ZDHHC12: variants seen among roughly 807,000 people sequenced by gnomAD.
The protein encoded by ZDHHC12 is palmitoyltransferase ZDHHC12.
In ZDHHC12, 26 loss-of-function variants were observed where a neutral mutation model predicts 33.2. The ratio of observed to expected loss-of-function variants is 0.78; its 90% CI spans 0.57 to 1.09. The LOEUF (loss-of-function observed/expected upper bound fraction) is 1.09. Among genes scored for constraint, ZDHHC12 ranks in the 50% least tolerant of loss-of-function variants. ZDHHC12 has a pLI of 0.00. For missense variants in ZDHHC12, 350 were observed against 353.0 expected (o/e 0.99, Z 0.07); for synonymous variants, 154 against 152.1 (o/e 1.01, Z -0.09).
rs759415804 is a variant in ZDHHC12, at chr9:128,721,630, CA to C, written c.482+20del. ...GAGCATTCATCCCACCCTCCCTCTA[CA>C]CCCGGGCAGCAGCACCCACCATGCC... On this transcript the variant is annotated intron_variant, in intron 4 of 4. Transcript: ENST00000372663. The surrounding 1 kb of genome is among the most constrained non-coding windows in gnomAD (Gnocchi z 6.9). 3.7e-6 allele frequency: 6 copies of C among 1,610,748 alleles called. No homozygotes were observed. The African/African-American group carries it at 8.0e-5, about 22-fold the overall frequency.
In ZDHHC12 at chr9:128,722,567, C is replaced by T; in HGVS notation, c.108G>A (p.Arg36=). The change falls in exon 2 of 5, where the codon CGG becomes CGA. Residue 36 remains arginine, a synonymous_variant. Coordinates refer to ENST00000372663, the MANE Select transcript of ZDHHC12 (RefSeq NM_032799.5). This position sits in a 1 kb window ranked among gnomAD's most constrained non-coding sequence, Gnocchi z 4.2. Reference sequence around the variant, plus strand: ...GCAGCTCCCCCTGCTCCTCCCATTGCCGCAGCTCTGGAGAGGCCGGAGAGC... The same window carrying T: ...GCAGCTCCCCCTGCTCCTCCCATTGTCGCAGCTCTGGAGAGGCCGGAGAGC... ...LVLFLHDTEL[R]QWEEQGELLL... 2 of 1,593,322 alleles carry T rather than the reference C, an allele frequency of 1.3e-6. No individual in the cohort carries two copies. The highest frequency in any genetic ancestry group is 1.7e-6 in the Non-Finnish European group (2 of 1,169,868).
chr9:128,721,892 C>A lies in ZDHHC12; in HGVS notation c.316-75G>T, dbSNP rs907276468. 1.2e-6 allele frequency: 2 copies of A among 1,600,938 alleles called. No individual in the cohort carries two copies. The highest frequency in any genetic ancestry group is 1.1e-5 in the South Asian group (1 of 89,556). The stretch of plus-strand genomic sequence containing the variant: ...CCACCACTGAGGGAAGGAATCAGGG[C>A]CTGATTCTGGAAGGCCTTCTTGGAG... On this transcript the variant is annotated intron_variant, in intron 3 of 4. Transcript: ENST00000372663. The surrounding 1 kb of genome is among the most constrained non-coding windows in gnomAD (Gnocchi z 6.9).
chr9:128,722,238 G>T lies in ZDHHC12; in HGVS notation c.238-152C>A. 2 of 1,121,124 alleles carry T rather than the reference G, an allele frequency of 1.8e-6. No homozygotes were observed. The highest frequency in any genetic ancestry group is 2.6e-6 in the Non-Finnish European group (2 of 782,280). 69.4% of individuals were successfully genotyped at this position (1,121,124 alleles called of 1,614,324 possible). A position where few individuals can be genotyped will look rare whatever the true frequency, so the allele number is the denominator to read the frequency against. On this transcript the variant is annotated intron_variant, in intron 2 of 4. Transcript: ENST00000372663. The surrounding 1 kb of genome is among the most constrained non-coding windows in gnomAD (Gnocchi z 4.2). The stretch of plus-strand genomic sequence containing the variant: ...GTGTGGGGTATGGCGGAGCACCCTG[G>T]ACTGAGGGCGGCTGTGTATGTTTGC...
Position 128,721,756 on chromosome 9 carries a change from T to C in ZDHHC12, c.377A>G (p.His126Arg), listed in dbSNP as rs1157849574. ...CACACAGTTCTCCATCCAGGGGCAG[T>C]GGTGGTCGTAGCGGCGGACGCAACG... ...CRRCVRRYDHHCPWMENCVGE... is the reference protein window; with the variant it reads ...CRRCVRRYDHRCPWMENCVGE... The change falls in exon 4 of 5, where the codon CAC (histidine) becomes CGC (arginine). Residue 126 changes from histidine to arginine, a missense_variant. Physicochemically the swap from His to Arg is conservative, Grantham distance 29 (BLOSUM62 0). Coordinates refer to ENST00000372663, the MANE Select transcript of ZDHHC12 (RefSeq NM_032799.5). The surrounding 1 kb of genome is among the most constrained non-coding windows in gnomAD (Gnocchi z 6.9). 6.2e-7 allele frequency: 1 copy of C among 1,613,696 alleles called. No homozygotes were observed. Among genetic ancestry groups the C allele is most frequent in the Non-Finnish European group, 8.5e-7 (1 of 1,179,964 alleles).
chr9:128,722,679 G>T lies in ZDHHC12; in HGVS notation c.101-105C>A. 8.0e-6 allele frequency: 12 copies of T among 1,502,520 alleles called. No individual in the cohort carries two copies. The highest frequency in any genetic ancestry group is 1.1e-5 in the Non-Finnish European group (12 of 1,120,290). 93.1% of individuals were successfully genotyped at this position (1,502,520 alleles called of 1,614,324 possible). A position where few individuals can be genotyped will look rare whatever the true frequency, so the allele number is the denominator to read the frequency against. On this transcript the variant is annotated intron_variant, in intron 1 of 4. Coordinates refer to ENST00000372663, the MANE Select transcript of ZDHHC12 (RefSeq NM_032799.5). This position sits in a 1 kb window ranked among gnomAD's most constrained non-coding sequence, Gnocchi z 4.2. ...GAAGTGTGTTCCTGGCTGAGCAAAGGCCTGGAGATGTTGGTTCCATGAGTG... is the reference window on the plus strand; with the variant it reads ...GAAGTGTGTTCCTGGCTGAGCAAAGTCCTGGAGATGTTGGTTCCATGAGTG...
rs749009885 is a variant in ZDHHC12, at chr9:128,721,498, C to T, written c.487G>A (p.Gly163Ser). The change falls in exon 5 of 5, where the codon GGC becomes AGC. Residue 163 changes from glycine to serine, a missense_variant. By Grantham distance (56) the Gly-to-Ser change is moderately conservative. Transcript: ENST00000372663. The surrounding 1 kb of genome is among the most constrained non-coding windows in gnomAD (Gnocchi z 6.9). ...LLWGLYLAWSGLRFFQPWGQW... is the reference protein window; with the variant it reads ...LLWGLYLAWSSLRFFQPWGQW... Reference sequence around the variant, plus strand: ...CCCCAGGGCTGGAAGAACCGGAGGCCTGACCTGCGGTGCAGGGGACAGGGG... The same window carrying T: ...CCCCAGGGCTGGAAGAACCGGAGGCTTGACCTGCGGTGCAGGGGACAGGGG... The T allele has an allele frequency of 1.9e-6, 3 of 1,600,866 alleles. No homozygotes were observed. The highest frequency in any genetic ancestry group is 2.7e-5 in the African/African-American group (2 of 74,690).
chr9:128,721,062 T>G lies in ZDHHC12; in HGVS notation c.*119A>C. ...GGATCTGTCTGACTTGAAGCTCCGTTCTGGGGTCTGGGAGGCGTGGGCAGG... is the reference window on the plus strand; with the variant it reads ...GGATCTGTCTGACTTGAAGCTCCGTGCTGGGGTCTGGGAGGCGTGGGCAGG... On this transcript the variant is annotated 3_prime_UTR_variant, in exon 5 of 5. Coordinates refer to ENST00000372663, the MANE Select transcript of ZDHHC12 (RefSeq NM_032799.5). This position sits in a 1 kb window ranked among gnomAD's most constrained non-coding sequence, Gnocchi z 6.9. The G allele has an allele frequency of 9.6e-7, 1 of 1,046,286 alleles. No individual in the cohort carries two copies. The highest frequency in any genetic ancestry group is 1.7e-5 in the South Asian group (1 of 58,810). 64.8% of individuals were successfully genotyped at this position (1,046,286 alleles called of 1,614,324 possible).
chr9:128,721,458 G>T lies in ZDHHC12; in HGVS notation c.527C>A (p.Ser176Tyr). 6.3e-7 allele frequency: 1 copy of T among 1,591,044 alleles called. No individual in the cohort carries two copies. Among genetic ancestry groups the T allele is most frequent in the South Asian group, 1.1e-5 (1 of 88,490 alleles). The change falls in exon 5 of 5, where the codon TCC becomes TAC. Residue 176 changes from serine (S) to tyrosine (Y), a missense_variant. Transcript: ENST00000372663. The surrounding 1 kb of genome is among the most constrained non-coding windows in gnomAD (Gnocchi z 6.9). ...GAAGGTGGCGAACAGGAGCCCGCTGGACCGCAACCACTGACCCCAGGGCTG... is the reference window on the plus strand; with the variant it reads ...GAAGGTGGCGAACAGGAGCCCGCTGTACCGCAACCACTGACCCCAGGGCTG... ...FFQPWGQWLR[S>Y]SGLLFATFLL...
Position 128,721,725 on chromosome 9 carries a change from C to G in ZDHHC12, c.408G>C (p.Glu136Asp). The change falls in exon 4 of 5, where the codon GAG becomes GAC. Residue 136 changes from glutamate to aspartate, a missense_variant. Coordinates refer to ENST00000372663, the MANE Select transcript of ZDHHC12 (RefSeq NM_032799.5). This position sits in a 1 kb window ranked among gnomAD's most constrained non-coding sequence, Gnocchi z 6.9. ...AGACCACAAAGAGTGGGTGGTTGCG[C>G]TCTCCCACACAGTTCTCCATCCAGG... is the stretch of plus-strand genomic sequence containing the variant. ...HCPWMENCVGERNHPLFVVYL... is the reference protein window; with the variant it reads ...HCPWMENCVGDRNHPLFVVYL... The G allele has an allele frequency of 6.2e-7, 1 of 1,613,904 alleles. No individual in the cohort carries two copies. Among genetic ancestry groups the G allele is most frequent in the Non-Finnish European group, 8.5e-7 (1 of 1,180,000 alleles).
At position 128,721,973 on chromosome 9, in the gene ZDHHC12, CCCAA is replaced by C. The variant is rs145031257; in HGVS notation, c.315+32_315+35del. ...GGAGGTCGAGGAGTCTCAGCTTTGG[CCCAA>C]CCTCTCCCACGGGTGTCCGTGCATC... On this transcript the variant is annotated intron_variant, in intron 3 of 4. Coordinates refer to ENST00000372663, the MANE Select transcript of ZDHHC12 (RefSeq NM_032799.5). The surrounding 1 kb of genome is among the most constrained non-coding windows in gnomAD (Gnocchi z 6.9). 58,198 of 1,613,584 alleles carry C rather than the reference CCCAA, an allele frequency of 0.036. 1,189 individuals carry two copies. Among genetic ancestry groups the C allele is most frequent in the Middle Eastern group, 0.07 (422 of 6,040 alleles).
Position 128,722,209 on chromosome 9 carries a change from G to A in ZDHHC12, c.238-123C>T. ...GTTTGGGACCCATCCCATGCAGAAT[G>A]GAGGTGTGGGGTATGGCGGAGCACC... is the stretch of plus-strand genomic sequence containing the variant. On this transcript the variant is annotated intron_variant, in intron 2 of 4. Coordinates refer to ENST00000372663, the MANE Select transcript of ZDHHC12 (RefSeq NM_032799.5). The surrounding 1 kb of genome is among the most constrained non-coding windows in gnomAD (Gnocchi z 4.2). 1 of 1,270,012 alleles carries A rather than the reference G, an allele frequency of 7.9e-7. No homozygotes were observed. The allele number at this position is 1,270,012 out of a possible 1,614,324, so 78.7% of individuals were successfully genotyped here. A position where few individuals can be genotyped will look rare whatever the true frequency, so the allele number is the denominator to read the frequency against.
Position 128,722,924 on chromosome 9 carries a change from A to G in ZDHHC12, c.101-350T>C, listed in dbSNP as rs1048944897. 29 of 373,246 alleles carry G rather than the reference A, an allele frequency of 7.8e-5. No individual in the cohort carries two copies. The highest frequency in any genetic ancestry group is 6.3e-4 in the African/African-American group (29 of 46,310). The allele number at this position is 373,246 out of a possible 1,614,324, so 23.1% of individuals were successfully genotyped here. A position where few individuals can be genotyped will look rare whatever the true frequency, so the allele number is the denominator to read the frequency against. On this transcript the variant is annotated intron_variant, in intron 1 of 4. Transcript: ENST00000372663. This position sits in a 1 kb window ranked among gnomAD's most constrained non-coding sequence, Gnocchi z 4.2. The stretch of plus-strand genomic sequence containing the variant: ...GGAATGGACAGGGGGCTGCTGGGTC[A>G]AGGGAGCCAGACCTGACTGGATGTG...
chr9:128,721,193 G>A lies in ZDHHC12; in HGVS notation c.792C>T (p.Ser264=). 1.3e-6 allele frequency: 2 copies of A among 1,582,556 alleles called. No homozygotes were observed. The highest frequency in any genetic ancestry group is 1.7e-6 in the Non-Finnish European group (2 of 1,167,208). Residue 264 remains serine, a synonymous_variant, in exon 5 of 5, where the codon AGC becomes AGT. Transcript: ENST00000372663. This position sits in a 1 kb window ranked among gnomAD's most constrained non-coding sequence, Gnocchi z 6.9. ...LWAEEEEEGS[S]PAV ...GCCTCCAGCAACCCTAAACAGCTGG[G>A]CTGCTGCCCTCTTCCTCCTCCTCAG...
rs540210034 is a variant in ZDHHC12, at chr9:128,722,643, T to C, written c.101-69A>G. On this transcript the variant is annotated intron_variant, in intron 1 of 4. Coordinates refer to ENST00000372663, the MANE Select transcript of ZDHHC12 (RefSeq NM_032799.5). This position sits in a 1 kb window ranked among gnomAD's most constrained non-coding sequence, Gnocchi z 4.2. ...AGGAGTGGGTGGGGTTGGGGTGCAG[T>C]TGGAGGTGGGGAAGTGTGTTCCTGG... The C allele has an allele frequency of 2.6e-6, 4 of 1,548,776 alleles. No individual in the cohort carries two copies. Among genetic ancestry groups the C allele is most frequent in the Middle Eastern group, 1.7e-4 (1 of 5,960 alleles).
At position 128,722,968 on chromosome 9, in the gene ZDHHC12, T is replaced by G; in HGVS notation, c.101-394A>C. ...GGATGTGGGAGAGAGGGAAGAGGGGTCCAGCGTCTCTGGCTCTGCAATGGT... is the reference window on the plus strand; with the variant it reads ...GGATGTGGGAGAGAGGGAAGAGGGGGCCAGCGTCTCTGGCTCTGCAATGGT... On this transcript the variant is annotated intron_variant, in intron 1 of 4. Transcript: ENST00000372663. This position sits in a 1 kb window ranked among gnomAD's most constrained non-coding sequence, Gnocchi z 4.2. 1.7e-5 allele frequency: 4 copies of G among 234,832 alleles called. No individual in the cohort carries two copies. The highest frequency in any genetic ancestry group is 2.3e-5 in the African/African-American group (1 of 42,758). The allele number at this position is 234,832 out of a possible 1,614,324, so 14.5% of individuals were successfully genotyped here.
Position 128,721,391 on chromosome 9 carries a change from G to A in ZDHHC12, c.594C>T (p.Leu198=), listed in dbSNP as rs1489773309. The A allele has an allele frequency of 3.8e-6, 6 of 1,581,906 alleles. No homozygotes were observed. The highest frequency in any genetic ancestry group is 1.1e-5 in the South Asian group (1 of 86,960). Residue 198 remains leucine (L), a synonymous_variant, in exon 5 of 5, where the codon CTC becomes CTT. Transcript: ENST00000372663. This position sits in a 1 kb window ranked among gnomAD's most constrained non-coding sequence, Gnocchi z 6.9. ...TGGCCACCAGGTAGAGGTGCGAGACGAGGAGCAGGCTGGCCACCAACGAGA... is the reference window on the plus strand; with the variant it reads ...TGGCCACCAGGTAGAGGTGCGAGACAAGGAGCAGGCTGGCCACCAACGAGA... ...SLFSLVASLL[L]VSHLYLVASN...
Position 128,721,550 on chromosome 9 carries a change from C to T in ZDHHC12, c.483-48G>A. 6.3e-7 allele frequency: 1 copy of T among 1,587,640 alleles called. No individual in the cohort carries two copies. The highest frequency in any genetic ancestry group is 8.6e-7 in the Non-Finnish European group (1 of 1,164,688). ...CTGGTGCTGGGGGAGGGCAGGGGAG[C>T]CCTTCCCTCCCCATGCCGGGTCCCT... On this transcript the variant is annotated intron_variant, in intron 4 of 4. Coordinates refer to ENST00000372663, the MANE Select transcript of ZDHHC12 (RefSeq NM_032799.5). This position sits in a 1 kb window ranked among gnomAD's most constrained non-coding sequence, Gnocchi z 6.9.
In ZDHHC12 at chr9:128,721,473, C is replaced by T; in HGVS notation, c.512G>A (p.Gly171Asp). The part of the protein sequence containing the change: ...WSGLRFFQPW[G>D]QWLRSSGLLF... ...GAGCCCGCTGGACCGCAACCACTGA[C>T]CCCAGGGCTGGAAGAACCGGAGGCC... The change falls in exon 5 of 5, where the codon GGT becomes GAT. Residue 171 changes from glycine (G) to aspartate (D), a missense_variant. Gly to Asp is a moderately conservative substitution (Grantham distance 94). Transcript: ENST00000372663. The surrounding 1 kb of genome is among the most constrained non-coding windows in gnomAD (Gnocchi z 6.9). 1 of 1,594,364 alleles carries T rather than the reference C, an allele frequency of 6.3e-7. No homozygotes were observed. Among genetic ancestry groups the T allele is most frequent in the Non-Finnish European group, 8.5e-7 (1 of 1,170,892 alleles).
rs1862588616 is a variant in ZDHHC12, at chr9:128,722,333, G to A, written c.237+105C>T. The A allele has an allele frequency of 7.3e-7, 1 of 1,361,202 alleles. No individual in the cohort carries two copies. The highest frequency in any genetic ancestry group is 1.5e-5 in the African/African-American group (1 of 67,710). 84.3% of individuals were successfully genotyped at this position (1,361,202 alleles called of 1,614,324 possible). A position where few individuals can be genotyped will look rare whatever the true frequency, so the allele number is the denominator to read the frequency against. On this transcript the variant is annotated intron_variant, in intron 2 of 4. Coordinates refer to ENST00000372663, the MANE Select transcript of ZDHHC12 (RefSeq NM_032799.5). This position sits in a 1 kb window ranked among gnomAD's most constrained non-coding sequence, Gnocchi z 4.2. ...AGATGGGGCTCTAGGGGTGGCAAGA[G>A]GAGTCACTGAACTGCTCCCACAAGA... is the stretch of plus-strand genomic sequence containing the variant.
Sources: gnomAD v4.1 joint callset for allele counts on GRCh38, gnomAD v4.1.1 for gene constraint, Gnocchi (gnomAD v3.1) non-coding constraint, MANE v1.5 for transcripts, NCBI Gene and HGNC (gene_info 2026-07-23, HGNC 2026-07-21) for gene names.